The following FOXN3 variants were observed in gnomAD, a reference collection of about 807,000 sequenced individuals.
FOXN3 encodes the protein forkhead box N3.
Under a neutral mutation model 38.4 loss-of-function variants are expected in FOXN3, and 7 were observed. That is an observed-to-expected ratio of 0.18 (90% CI 0.10 to 0.34). The LOEUF is 0.34. Ranked by LOEUF, FOXN3 falls within the 10% of genes least tolerant of loss-of-function variation. The pLI is 1.00. For missense variants in FOXN3, 456 were observed against 613.4 expected (o/e 0.74, Z 2.71); for synonymous variants, 230 against 242.2 (o/e 0.95, Z 0.47).
chr14:89,564,482 G>A (rs1293467840), intron 1 of FOXN3, among the ~76,000 whole-genome samples: 7 of 152,090 alleles, frequency 4.6e-5, no homozygotes, highest in African/African-American at 1.2e-4. Context: ...TATCATCATC[G>A]TTAATAATAC....
chr14:89,556,121 A>G (rs1895118422), intron 1 of FOXN3, among the ~76,000 whole-genome samples: 1 of 152,042 alleles, frequency 6.6e-6, no homozygotes, highest in South Asian at 2.1e-4. Context: ...CAAGCATCAG[A>G]GGCCGGGTGT....
At chr14:89,330,014 C>A (rs1397585430) in intron 3 of FOXN3, among the ~76,000 whole-genome samples, 1 of 152,110 alleles carries the variant, frequency 6.6e-6, no homozygotes. Flanking sequence ...CCTGCTCCCC[C>A]GCCATTTGTG....
intron 2 of FOXN3, among the ~76,000 whole-genome samples, chr14:89,408,048 C>G (rs769921575): frequency 1.3e-5 from 2 of 152,068 alleles, no homozygotes; most frequent in Non-Finnish European, 2.9e-5. Context: ...AGAGATAAAA[C>G]GAAAGCCAAG....
At chr14:89,386,824 A>C (rs6575061) in intron 2 of FOXN3, among the ~76,000 whole-genome samples, 127,626 of 152,182 alleles carry the variant, frequency 0.84, 53,556 homozygotes, top group South Asian at 0.91. Context: ...GCTCATGGGG[A>C]CTGCCCTTGG....
At chr14:89,281,191 G>A (rs1886451613) in intron 3 of FOXN3, among the ~76,000 whole-genome samples, 177 bp from the exon 4 acceptor site, 1 of 152,168 alleles carries the variant, frequency 6.6e-6, no homozygotes, top group Admixed American at 6.5e-5. Context: ...ATATTTCACA[G>A]TGCAGAACCT....
At chr14:89,287,754 A>T (rs1194472622) in intron 3 of FOXN3, among the ~76,000 whole-genome samples, 3 of 2,138 alleles carry the variant, frequency 1.4e-3, no homozygotes, top group Non-Finnish European at 4.5e-3. Context: ...AATGCTAAAA[A>T]AAAAAAAAAA....
At chr14:89,358,871 G>C (rs1001104852) in intron 2 of FOXN3, among the ~76,000 whole-genome samples, 1 of 152,158 alleles carries the variant, frequency 6.6e-6, no homozygotes, top group Admixed American at 6.5e-5. Context: ...TGTGGACTTG[G>C]GCAAAATACA....
intron 3 of FOXN3, among the ~76,000 whole-genome samples, chr14:89,303,133 T>C (rs900684093): frequency 1.3e-5 from 2 of 152,158 alleles, no homozygotes; most frequent in South Asian, 2.1e-4. Context: ...CCACCCCTTG[T>C]CTTTTAGTTT....
chr14:89,407,219 G>T (rs1199730010), intron 2 of FOXN3, among the ~76,000 whole-genome samples: 1 of 152,180 alleles, frequency 6.6e-6, no homozygotes, highest in East Asian at 1.9e-4. Context: ...GAAGTAAACA[G>T]AATGCAAGTA....
upstream of FOXN3, chr14:89,419,208 A>G (rs1277941411): frequency 1.8e-5 from 8 of 456,062 alleles, no homozygotes; most frequent in Admixed American, 4.7e-5. Flanking sequence ...GAAGTGGTGG[A>G]CCAGCCCTGC....
In FOXN3 at chr14:89,162,708, C is replaced by T. The variant is rs143108328; in HGVS notation, c.1113G>A (p.Thr371=). 1,434 of 1,613,998 alleles carry T rather than the reference C, an allele frequency of 8.9e-4. 1 individual carries two copies. The highest frequency in any genetic ancestry group is 1.1e-3 in the Non-Finnish European group (1,286 of 1,179,982). ...SFRSHESPSD[T]EEDDRKHSQK... Reference sequence around the variant, plus strand: ...GGCTGTGCTTCCTGTCGTCCTCTTCCGTGTCGCTGGGGCTCTCGTGGCTCC... The same window carrying T: ...GGCTGTGCTTCCTGTCGTCCTCTTCTGTGTCGCTGGGGCTCTCGTGGCTCC... Residue 371 remains threonine, a synonymous_variant, in exon 6 of 6, where the codon ACG becomes ACA. Transcript: ENST00000557258. This position sits in a 1 kb window ranked among gnomAD's most constrained non-coding sequence, Gnocchi z 7.2.
rs529213322 is a variant in FOXN3 at position 89,348,969 on chromosome 14, G to A, written c.680+1703C>T. 2.0e-5 allele frequency among the ~76,000 whole-genome samples: 3 copies of A among 152,228 alleles called. No homozygotes were observed. The South Asian group carries it at 6.2e-4, about 32-fold the overall frequency. On this transcript the variant is annotated intron_variant, in intron 3 of 5. Transcript: ENST00000557258. ...AAAGGAACCAATGACATGACCCAGT[G>A]AGTAACACTCATGTTCTTAACTTCC...
chr14:89,485,147 C>G (rs572815826), intron 1 of FOXN3, among the ~76,000 whole-genome samples: 25 of 89,572 alleles, frequency 2.8e-4, no homozygotes, highest in Non-Finnish European at 6.3e-4. Flanking sequence ...GCAAGACTCT[C>G]TCAAAAAAAA....
intron 3 of FOXN3, among the ~76,000 whole-genome samples, chr14:89,285,246 C>T (rs577325936): frequency 7.2e-5 from 11 of 152,348 alleles, no homozygotes; most frequent in African/African-American, 2.6e-4. Context: ...GTGGGCCAGG[C>T]ATCGTGGCTC....
intron 4 of FOXN3, among the ~76,000 whole-genome samples, chr14:89,270,549 G>C (rs1886119002): frequency 6.6e-6 from 1 of 152,192 alleles, no homozygotes; most frequent in African/African-American, 2.4e-5. Context: ...AAACTCATTG[G>C]ATGAGTTGCT....
intron 1 of FOXN3, among the ~76,000 whole-genome samples, chr14:89,556,279 T>C (rs1895121765): frequency 6.6e-6 from 1 of 151,950 alleles, no homozygotes; most frequent in Non-Finnish European, 1.5e-5. Flanking sequence ...GGCACATGCC[T>C]GTAATCCCAC....
At chr14:89,189,033 G>T (rs907037746) in intron 4 of FOXN3, among the ~76,000 whole-genome samples, 1 of 152,132 alleles carries the variant, frequency 6.6e-6, no homozygotes. Flanking sequence ...TGGAAAGAGA[G>T]AATCAGAACT....
At chr14:89,420,902 A>G (rs917058127), upstream of FOXN3, among the ~76,000 whole-genome samples, 1 of 148,766 alleles carries the variant, frequency 6.7e-6, no homozygotes, top group Non-Finnish European at 1.5e-5. Flanking sequence ...AAAAAAAAAG[A>G]TAAATGGGGA....
intron 1 of FOXN3, among the ~76,000 whole-genome samples, chr14:89,535,651 A>G (rs1894669548): frequency 4.6e-5 from 7 of 152,222 alleles, no homozygotes; most frequent in Admixed American, 4.6e-4. Context: ...CTTTTCAACA[A>G]GCAGAGCTTG....
Sources: allele counts gnomAD v4.1 joint callset (sites outside exome capture counted in the v4.1 genomes callset), GRCh38; gene constraint gnomAD v4.1.1; non-coding constraint Gnocchi (gnomAD v3.1); transcripts MANE v1.5; gene names NCBI Gene and HGNC (gene_info 2026-07-23, HGNC 2026-07-21).